C10orf88: variants seen among roughly 807,000 people sequenced by gnomAD.
C10orf88 encodes chromosome 10 open reading frame 88.
C10orf88 carries 29 observed loss-of-function variants against 34.2 expected under a neutral mutation model. That is an observed-to-expected ratio of 0.85 (90% CI 0.63 to 1.16). The LOEUF (loss-of-function observed/expected upper bound fraction) is 1.16. C10orf88 is among the 50% of genes most tolerant of loss of function. C10orf88 has a pLI of 0.00. For synonymous variants in C10orf88, 194 were observed against 197.4 expected (o/e 0.98, Z 0.15); for missense variants, 507 against 533.2 (o/e 0.95, Z 0.48).
At chr10:122,952,707 A>G in intron 2 of C10orf88, 122 bp downstream of exon 2, 1 of 1,239,900 alleles carries the variant, frequency 8.1e-7, no homozygotes, top group African/African-American at 1.5e-5. Flanking sequence ...CTACTGGCAC[A>G]TTTTTATCTT....
chr10:122,947,436 T>C (rs910293320), intron 4 of C10orf88, among the ~76,000 whole-genome samples: 1 of 152,194 alleles, frequency 6.6e-6, no homozygotes. Context: ...TAACTTGCCA[T>C]AGGATGCAGA....
chr10:122,952,168 T>A, intron 2 of C10orf88, 142 bp from the exon 3 acceptor site: 1 of 559,704 alleles, frequency 1.8e-6, no homozygotes, highest in Non-Finnish European at 3.2e-6. Context: ...TTGGGCTCCA[T>A]AACTGAAGCA....
chr10:122,953,312 C>T (rs1238736135), intron 1 of C10orf88, among the ~76,000 whole-genome samples: 1 of 152,132 alleles, frequency 6.6e-6, no homozygotes, highest in Non-Finnish European at 1.5e-5. Flanking sequence ...CTCCTGACGT[C>T]GTGATCCGCC....
Position 122,948,816 on chromosome 10 carries a change from T to TAG in C10orf88, c.480_481insCT (p.Lys161LeufsTer7), listed in dbSNP as rs1848664250. 6.2e-7 allele frequency: 1 copy of TAG among 1,613,378 alleles called. No homozygotes were observed. The highest frequency in any genetic ancestry group is 1.3e-5 in the African/African-American group (1 of 74,910). On this transcript the variant is annotated frameshift_variant, in exon 4 of 6. Coordinates refer to ENST00000481909, the MANE Select transcript of C10orf88 (RefSeq NM_024942.4). LOFTEE classifies it high-confidence loss of function. ...ACTGATCTCATGTGTACCACAACTTTACTGATGAACACACACTGCCTTTCG... is the reference window on the plus strand; with the variant it reads ...ACTGATCTCATGTGTACCACAACTTTAGACTGATGAACACACACTGCCTTTCG...
chr10:122,952,250 C>A (rs1848697069), intron 2 of C10orf88, among the ~76,000 whole-genome samples: 1 of 152,098 alleles, frequency 6.6e-6, no homozygotes, highest in Non-Finnish European at 1.5e-5. Flanking sequence ...TATGTACAAC[C>A]ATGTAGCCAG....
At chr10:122,938,246 T>C in intron 4 of C10orf88, 87 bp from the exon 5 acceptor site, 10 of 1,096,796 alleles carry the variant, frequency 9.1e-6, no homozygotes, top group Non-Finnish European at 1.3e-5. Flanking sequence ...GCACTGTGCA[T>C]TGTTTCATCC....
intron 3 of C10orf88, among the ~76,000 whole-genome samples, chr10:122,950,917 A>C (rs924549295): frequency 2.0e-5 from 3 of 152,176 alleles, no homozygotes; most frequent in African/African-American, 7.2e-5. Context: ...ATTTTTTCTT[A>C]TTGTAAAAAT....
chr10:122,953,840 C>A (rs1457517861), intron 1 of C10orf88, among the ~76,000 whole-genome samples, 175 bp downstream of exon 1: 1 of 125,350 alleles, frequency 8.0e-6, no homozygotes, highest in African/African-American at 2.9e-5. Context: ...CCCGGCCGGA[C>A]CCACCCCCCT....
chr10:122,941,855 A>G (rs1172777077), intron 4 of C10orf88, among the ~76,000 whole-genome samples: 1 of 152,046 alleles, frequency 6.6e-6, no homozygotes, highest in Non-Finnish European at 1.5e-5. Flanking sequence ...GTAACCCATG[A>G]GTGTTGGCTG....
In C10orf88 at chr10:122,954,199, C is replaced by T; in HGVS notation, c.-21G>A. On this transcript the variant is annotated 5_prime_UTR_variant, in exon 1 of 6. Transcript: ENST00000481909. ...TCCATTCCGCCGCCTTCAGTCAGGC[C>T]AGCCCAGCCCCGGAACCTCTCTTCC... 1.3e-6 allele frequency: 2 copies of T among 1,527,610 alleles called. No homozygotes were observed. Among genetic ancestry groups the T allele is most frequent in the Non-Finnish European group, 1.7e-6 (2 of 1,147,330 alleles). 94.6% of individuals were successfully genotyped at this position (1,527,610 alleles called of 1,614,324 possible).
intron 4 of C10orf88, among the ~76,000 whole-genome samples, chr10:122,947,461 G>A (rs1320792563): frequency 3.3e-5 from 5 of 152,176 alleles, no homozygotes; most frequent in Non-Finnish European, 7.3e-5. Flanking sequence ...AGAAGAGGCA[G>A]GACAAGAGTT....
intron 4 of C10orf88, among the ~76,000 whole-genome samples, chr10:122,942,347 T>A (rs997751181): frequency 6.6e-6 from 1 of 152,110 alleles, no homozygotes; most frequent in Admixed American, 6.6e-5. Context: ...AAACTCTCAA[T>A]AAATTAGGTA....
intron 5 of C10orf88, among the ~76,000 whole-genome samples, chr10:122,933,077 T>C (rs199547574): frequency 2.3e-4 from 35 of 152,312 alleles, no homozygotes; most frequent in African/African-American, 8.4e-4. Flanking sequence ...ACTAGAAGGT[T>C]CTTTTTTTTA....
chr10:122,946,874 G>C (rs889068011), intron 4 of C10orf88, among the ~76,000 whole-genome samples: 2 of 152,108 alleles, frequency 1.3e-5, no homozygotes, highest in Admixed American at 6.6e-5. Context: ...AACATATCTA[G>C]ATATTTACGG....
Position 122,937,784 on chromosome 10 carries a change from C to T in C10orf88, c.1024G>A (p.Val342Ile), listed in dbSNP as rs188159022. 1 of 1,613,204 alleles carries T rather than the reference C, an allele frequency of 6.2e-7. No individual in the cohort carries two copies. The highest frequency in any genetic ancestry group is 2.2e-5 in the East Asian group (1 of 44,858). ...LPFLQNLCSQ[V>I]NHLHVGNKTE... is the part of the protein sequence containing the mutation. ...TTATTTCCCACATGGAGATGATTAA[C>T]TTGACTACATAAATTCTGGAGAAAA... Residue 342 changes from valine (V) to isoleucine (I), a missense_variant, in exon 5 of 6, where the codon GTT becomes ATT. Physicochemically the swap from Val to Ile is conservative, Grantham distance 29 (BLOSUM62 3). Coordinates refer to ENST00000481909, the MANE Select transcript of C10orf88 (RefSeq NM_024942.4).
At chr10:122,942,682 G>T (rs1197788187) in intron 4 of C10orf88, among the ~76,000 whole-genome samples, 2 of 150,288 alleles carry the variant, frequency 1.3e-5, no homozygotes, top group Non-Finnish European at 3.0e-5. Flanking sequence ...AAAGTCTCAG[G>T]ATACAAAATC....
At chr10:122,944,799 A>C (rs1308650818) in intron 4 of C10orf88, among the ~76,000 whole-genome samples, 1 of 151,746 alleles carries the variant, frequency 6.6e-6, no homozygotes, top group Non-Finnish European at 1.5e-5. Context: ...ATTCCTTTAC[A>C]CAAGTATCTA....
chr10:122,938,148 G>A lies in C10orf88; in HGVS notation c.660C>T (p.Pro220=). ...MVRCQQRNCI[P]IGEQLQSVLG... is the part of the protein sequence containing the mutation. ...ACACCGACTGAAGCTGCTCTCCAAT[G>A]GGAATACAATTCTAAACAAGGTAAA... is the stretch of plus-strand genomic sequence containing the variant. Residue 220 remains proline, a synonymous_variant, in exon 5 of 6, where the codon CCC becomes CCT. Transcript: ENST00000481909. The A allele has an allele frequency of 6.3e-7, 1 of 1,595,712 alleles. No individual in the cohort carries two copies. The highest frequency in any genetic ancestry group is 8.5e-7 in the Non-Finnish European group (1 of 1,170,776).
At chr10:122,953,139 T>A in intron 1 of C10orf88, 107 bp from the exon 2 acceptor site, 2 of 877,344 alleles carry the variant, frequency 2.3e-6, no homozygotes, top group Non-Finnish European at 3.6e-6. Flanking sequence ...ATGCAGTGGC[T>A]CCATCTCGGC....
Sources: gnomAD v4.1 joint callset for allele counts (sites outside exome capture counted in the v4.1 genomes callset) on GRCh38, gnomAD v4.1.1 for gene constraint, MANE v1.5 for transcripts, NCBI Gene and HGNC (gene_info 2026-07-23, HGNC 2026-07-21) for gene names.